MALRD1: variants seen among roughly 807,000 people sequenced by gnomAD.
MALRD1 encodes the protein MAM and LDL-receptor class A domain-containing protein 1.
Under a neutral mutation model 242.1 loss-of-function variants are expected in MALRD1, and 247 were observed. The ratio of observed to expected loss-of-function variants is 1.02; its 90% CI spans 0.92 to 1.13. The LOEUF is 1.13. Ranked by LOEUF, MALRD1 falls within the 50% of genes most tolerant of loss-of-function variation. MALRD1 has a pLI of 0.00. For synonymous variants in MALRD1, 995 were observed against 866.6 expected (o/e 1.15, Z -2.60); for missense variants, 2,989 against 2,533.1 (o/e 1.18, Z -3.86).
intron 21 of MALRD1, among the ~76,000 whole-genome samples, chr10:19,286,945 A>G (rs930743332): frequency 1.3e-5 from 2 of 151,474 alleles, no homozygotes; most frequent in South Asian, 2.1e-4. Context: ...AACCGAATCC[A>G]GCAGCACATC....
chr10:19,059,647 C>T (rs1283959030), intron 1 of MALRD1, among the ~76,000 whole-genome samples: 1 of 152,004 alleles, frequency 6.6e-6, no homozygotes, highest in Non-Finnish European at 1.5e-5. Flanking sequence ...CCACTGTGGC[C>T]TCCCAAAGTG....
At chr10:19,079,591 A>C (rs1308338633) in intron 2 of MALRD1, among the ~76,000 whole-genome samples, 4 of 151,970 alleles carry the variant, frequency 2.6e-5, no homozygotes, top group African/African-American at 9.7e-5. Flanking sequence ...TAGAGTCTCC[A>C]ACTATTATTG....
chr10:19,621,354 A>AAC lies in MALRD1; in HGVS notation c.6137+5432_6137+5433insCA, dbSNP rs568075849. Among the ~76,000 whole-genome samples, 16 of 149,108 alleles carry AAC rather than the reference A, an allele frequency of 1.1e-4. No individual in the cohort carries two copies. The East Asian group carries it at 1.6e-3, about 15-fold the overall frequency. ...AAAGTCTAAGTGTAAAAATATGTAA[A>AAC]AAAAAAAAAAAAAAAGTAAGAATCA... On this transcript the variant is annotated intron_variant, in intron 36 of 39. Transcript: ENST00000454679.
chr10:19,714,441 G>A (rs748353347), intron 38 of MALRD1, among the ~76,000 whole-genome samples: 10 of 152,050 alleles, frequency 6.6e-5, no homozygotes, highest in Admixed American at 1.3e-4. Context: ...TCCTCTCGAC[G>A]TCCAGCTGCC....
chr10:19,209,751 G>A, intron 18 of MALRD1, 71 bp downstream of exon 18: 1 of 1,366,500 alleles, frequency 7.3e-7, no homozygotes, highest in Non-Finnish European at 9.8e-7. Context: ...AAAGATCGCT[G>A]TATTCTCTAA....
intron 29 of MALRD1, among the ~76,000 whole-genome samples, chr10:19,486,011 A>G (rs1427497986): frequency 1.3e-5 from 2 of 152,176 alleles, no homozygotes; most frequent in Non-Finnish European, 2.9e-5. Flanking sequence ...TATTGTGTAT[A>G]TGTTATGATT....
At chr10:19,205,381 T>C (rs7090927) in intron 17 of MALRD1, 116 bp downstream of exon 17, 177,713 of 1,232,906 alleles carry the variant, frequency 0.14, 13,629 homozygotes, top group Middle Eastern at 0.19. Flanking sequence ...CCAAAGCTGA[T>C]GAATGTTATG....
intron 26 of MALRD1, among the ~76,000 whole-genome samples, chr10:19,375,470 A>G (rs1362465645): frequency 6.6e-6 from 1 of 152,124 alleles, no homozygotes; most frequent in Non-Finnish European, 1.5e-5. Flanking sequence ...GCTTTAAGGT[A>G]ATAGATCTTA....
intron 28 of MALRD1, among the ~76,000 whole-genome samples, chr10:19,449,507 T>C (rs889930884): frequency 2.6e-4 from 40 of 152,026 alleles, no homozygotes; most frequent in African/African-American, 8.7e-4. Context: ...GGAAATATTT[T>C]AGTAGATTAA....
chr10:19,662,013 A>G (rs1841463675), intron 36 of MALRD1, among the ~76,000 whole-genome samples: 1 of 152,170 alleles, frequency 6.6e-6, no homozygotes, highest in Admixed American at 6.6e-5. Context: ...TGGATTCAAT[A>G]TGACACATAC....
intron 8 of MALRD1, among the ~76,000 whole-genome samples, chr10:19,128,889 G>A (rs541267892): frequency 9.2e-5 from 14 of 152,126 alleles, no homozygotes; most frequent in South Asian, 6.2e-4. Context: ...CAATATGCTC[G>A]ATGAGTTCTA....
chr10:19,243,063 CT>C (rs369350269), intron 18 of MALRD1, among the ~76,000 whole-genome samples: 35 of 135,882 alleles, frequency 2.6e-4, no homozygotes, highest in Middle Eastern at 3.9e-3. Flanking sequence ...TTTCTTTTCC[CT>C]TTTTTTTTTT....
intron 36 of MALRD1, among the ~76,000 whole-genome samples, chr10:19,654,588 C>G (rs1275039483): frequency 6.6e-6 from 1 of 152,162 alleles, no homozygotes; most frequent in Non-Finnish European, 1.5e-5. Flanking sequence ...ACTGTCTTTT[C>G]TTTGCTTTCG....
chr10:19,588,158 T>G (rs1462764078), intron 33 of MALRD1, among the ~76,000 whole-genome samples: 1 of 152,136 alleles, frequency 6.6e-6, no homozygotes, highest in Non-Finnish European at 1.5e-5. Context: ...AAATTTTTTT[T>G]TAAAGACCTT....
At chr10:19,247,845 C>T (rs544731618) in intron 18 of MALRD1, among the ~76,000 whole-genome samples, 171 of 151,984 alleles carry the variant, frequency 1.1e-3, no homozygotes, top group African/African-American at 3.7e-3. Flanking sequence ...ACTTAACCGA[C>T]GTTAAATTTA....
At chr10:19,281,556 C>A (rs919477013) in intron 20 of MALRD1, among the ~76,000 whole-genome samples, 1 of 152,084 alleles carries the variant, frequency 6.6e-6, no homozygotes, top group Non-Finnish European at 1.5e-5. Flanking sequence ...TGAATTATTA[C>A]CATTTTATTT....
At chr10:19,359,610 G>C (rs1283039555) in intron 26 of MALRD1, among the ~76,000 whole-genome samples, 2 of 151,908 alleles carry the variant, frequency 1.3e-5, no homozygotes, top group Non-Finnish European at 2.9e-5. Context: ...TCTAACTTGA[G>C]CTATAAATGG....
At chr10:19,535,046 C>G (rs1834599178) in intron 32 of MALRD1, among the ~76,000 whole-genome samples, 1 of 152,070 alleles carries the variant, frequency 6.6e-6, no homozygotes, top group Admixed American at 6.6e-5. Flanking sequence ...CCACCACACC[C>G]AGCTAACTTT....
At chr10:19,660,852 G>A (rs1841395515) in intron 36 of MALRD1, among the ~76,000 whole-genome samples, 1 of 152,020 alleles carries the variant, frequency 6.6e-6, no homozygotes, top group African/African-American at 2.4e-5. Flanking sequence ...TTTTCCCTAA[G>A]TTCAGCCTGT....
Sources: allele counts gnomAD v4.1 joint callset (sites outside exome capture counted in the v4.1 genomes callset), GRCh38; gene constraint gnomAD v4.1.1; transcripts MANE v1.5; gene names NCBI Gene and HGNC (gene_info 2026-07-23, HGNC 2026-07-21).